Variants in RBFOX1 observed in about 807,000 individuals in gnomAD.
The protein encoded by RBFOX1 is RNA binding fox-1 homolog 1, also known as RNA binding protein fox-1 homolog 1.
Under a neutral mutation model 57.7 loss-of-function variants are expected in RBFOX1, and 8 were observed. The ratio of observed to expected loss-of-function variants is 0.14; its 90% CI spans 0.08 to 0.25. The LOEUF (loss-of-function observed/expected upper bound fraction) is 0.25, where lower values mean the gene tolerates loss of function less well. Ranked by LOEUF, RBFOX1 falls within the 10% of genes least tolerant of loss-of-function variation. RBFOX1 has a pLI of 1.00. For missense variants in RBFOX1, 611 were observed against 548.5 expected (o/e 1.11, Z -1.14); for synonymous variants, 326 against 222.4 (o/e 1.47, Z -4.15).
chr16:6,965,106 G>T (rs1338293495), intron 3 of RBFOX1, among the ~76,000 whole-genome samples: 1 of 152,084 alleles, frequency 6.6e-6, no homozygotes, highest in Non-Finnish European at 1.5e-5. Flanking sequence ...CATGAGGTGG[G>T]TTTATCTAGA....
chr16:6,248,848 G>A (rs553337239), intron 1 of RBFOX1, among the ~76,000 whole-genome samples: 2 of 152,142 alleles, frequency 1.3e-5, no homozygotes, highest in South Asian at 2.1e-4. Flanking sequence ...TATTAAATAC[G>A]TCAACACATG....
intron 13 of RBFOX1, among the ~76,000 whole-genome samples, chr16:7,676,270 C>A (rs1056946612): frequency 1.3e-5 from 2 of 152,094 alleles, no homozygotes; most frequent in Admixed American, 6.6e-5. Flanking sequence ...GTTTAACAAC[C>A]AGATAGGTAA....
chr16:6,982,168 G>A (rs1447404608), intron 3 of RBFOX1, among the ~76,000 whole-genome samples: 6 of 152,194 alleles, frequency 3.9e-5, no homozygotes, highest in African/African-American at 9.6e-5. Flanking sequence ...ATTGGATTGT[G>A]TATTCTCTGG....
intron 3 of RBFOX1, among the ~76,000 whole-genome samples, chr16:7,022,144 C>T (rs1039843737): frequency 1.4e-5 from 2 of 147,850 alleles, no homozygotes; most frequent in African/African-American, 5.0e-5. Flanking sequence ...CTCACTGCAA[C>T]CTCTGCCTCC....
intron 3 of RBFOX1, among the ~76,000 whole-genome samples, chr16:6,661,261 G>A (rs1001287634): frequency 1.3e-5 from 2 of 152,184 alleles, no homozygotes; most frequent in East Asian, 3.8e-4. Flanking sequence ...CTCTCAGTGG[G>A]TTAGAAAGAG....
intron 2 of RBFOX1, among the ~76,000 whole-genome samples, chr16:5,508,537 A>G (rs1194202804): frequency 6.6e-6 from 1 of 152,160 alleles, no homozygotes; most frequent in Non-Finnish European, 1.5e-5. Context: ...GATTGCACAG[A>G]GTGATTGCAC....
intron 2 of RBFOX1, among the ~76,000 whole-genome samples, chr16:5,505,966 G>A (rs1478490185): frequency 1.3e-5 from 2 of 151,898 alleles, no homozygotes; most frequent in Admixed American, 6.6e-5. Flanking sequence ...CTCCCCTCCC[G>A]CATTGACCCA....
chr16:6,834,818 A>G (rs562607585), intron 3 of RBFOX1, among the ~76,000 whole-genome samples: 7 of 151,276 alleles, frequency 4.6e-5, no homozygotes, highest in African/African-American at 1.5e-4. Flanking sequence ...TTTCTCCCCA[A>G]TGTGTTTGTG....
intron 4 of RBFOX1, among the ~76,000 whole-genome samples, chr16:6,000,489 A>T (rs1183503052): frequency 2.0e-5 from 3 of 152,178 alleles, no homozygotes; most frequent in African/African-American, 7.2e-5. Flanking sequence ...GATCCCGTGC[A>T]TGCCTGTCTT....
At chr16:7,633,674 C>T (rs763676212) in intron 11 of RBFOX1, among the ~76,000 whole-genome samples, 123 of 152,254 alleles carry the variant, frequency 8.1e-4, no homozygotes, top group Non-Finnish European at 1.4e-3. Flanking sequence ...TGGTCAATCT[C>T]GATTAGTATT....
intron 3 of RBFOX1, among the ~76,000 whole-genome samples, chr16:6,790,459 A>T (rs572004997): frequency 1.6e-3 from 250 of 152,226 alleles, no homozygotes; most frequent in African/African-American, 5.8e-3. Flanking sequence ...TGCTGGGAAT[A>T]CAGGCGTGAG....
chr16:6,606,002 G>C (rs1022696516), intron 2 of RBFOX1, among the ~76,000 whole-genome samples: 1 of 152,052 alleles, frequency 6.6e-6, no homozygotes, highest in Non-Finnish European at 1.5e-5. Context: ...CCAGCTACTT[G>C]GGAGACTGAG....
chr16:7,371,741 A>T lies in RBFOX1; in HGVS notation c.28-146406A>T, dbSNP rs564405555. ...CTCCAGCCTGGGCGACAAGAGCAAA[A>T]CTCTATCTGCAAAAAAGAAAAAAAG... On this transcript the variant is annotated intron_variant, in intron 4 of 15. Coordinates refer to ENST00000550418, the MANE Select transcript of RBFOX1 (RefSeq NM_018723.4). Among the ~76,000 whole-genome samples the T allele has an allele frequency of 2.0e-5, 3 of 152,090 alleles. No individual in the cohort carries two copies. In the East Asian group the frequency reaches 5.8e-4, roughly 29 times the overall value.
chr16:6,112,491 G>C (rs577497211), intron 1 of RBFOX1, among the ~76,000 whole-genome samples: 4 of 152,146 alleles, frequency 2.6e-5, no homozygotes, highest in Admixed American at 1.3e-4. Flanking sequence ...GGGAGTTTAA[G>C]ACCAGCCTGG....
intron 3 of RBFOX1, among the ~76,000 whole-genome samples, chr16:6,976,384 TATC>T (rs1266955450): frequency 2.6e-5 from 4 of 152,126 alleles, no homozygotes; most frequent in Non-Finnish European, 4.4e-5. Flanking sequence ...ATGAAGCAAA[TATC>T]ATTTTCAGAA....
intron 1 of RBFOX1, among the ~76,000 whole-genome samples, chr16:6,283,899 G>A (rs367852145): frequency 8.7e-4 from 133 of 152,294 alleles, no homozygotes; most frequent in Middle Eastern, 3.4e-3. Flanking sequence ...AACCGACTTT[G>A]TTTCTGAAGC....
intron 2 of RBFOX1, among the ~76,000 whole-genome samples, chr16:6,573,118 G>T (rs1464984634): frequency 6.6e-6 from 1 of 152,128 alleles, no homozygotes; most frequent in East Asian, 1.9e-4. Flanking sequence ...GGGCACTGCA[G>T]ATTTTTGCAC....
intron 3 of RBFOX1, among the ~76,000 whole-genome samples, chr16:6,882,206 A>C (rs999724231): frequency 2.6e-5 from 4 of 152,064 alleles, no homozygotes; most frequent in African/African-American, 4.8e-5. Context: ...GTCCAGCAAC[A>C]CTGGGCAATT....
chr16:7,684,043 A>T (rs998222073), intron 14 of RBFOX1, among the ~76,000 whole-genome samples: 1 of 152,238 alleles, frequency 6.6e-6, no homozygotes, highest in Non-Finnish European at 1.5e-5. Context: ...GAAATTTTTC[A>T]GTAAAAGTGT....
Sources: gnomAD v4.1 joint callset for allele counts (sites outside exome capture counted in the v4.1 genomes callset) on GRCh38, gnomAD v4.1.1 for gene constraint, MANE v1.5 for transcripts, NCBI Gene and HGNC (gene_info 2026-07-23, HGNC 2026-07-21) for gene names.